The following FRMD4A variants were observed in gnomAD, a reference collection of about 807,000 sequenced individuals.
FRMD4A encodes FERM domain containing 4A.
Under a neutral mutation model 129.1 loss-of-function variants are expected in FRMD4A, and 29 were observed. The observed-to-expected ratio is 0.22, with a 90% CI of 0.17 to 0.31. The LOEUF (loss-of-function observed/expected upper bound fraction) is 0.31, where lower values mean the gene tolerates loss of function less well. FRMD4A is among the 10% of genes least tolerant of loss of function. The probability of loss-of-function intolerance (pLI) is 1.00; values close to 1 mark genes in which losing one functional copy is unlikely to be tolerated. For synonymous variants in FRMD4A, 634 were observed against 571.6 expected (o/e 1.11, Z -1.56); for missense variants, 1,272 against 1,375.8 (o/e 0.92, Z 1.19).
At chr10:13,907,341 T>A (rs1405841440) in intron 2 of FRMD4A, among the ~76,000 whole-genome samples, 2 of 152,216 alleles carry the variant, frequency 1.3e-5, no homozygotes, top group Admixed American at 6.5e-5. Flanking sequence ...ACATTATCTA[T>A]AATCTGCAGC....
intron 2 of FRMD4A, among the ~76,000 whole-genome samples, chr10:13,997,198 C>A (rs1192706441): frequency 1.3e-5 from 2 of 151,952 alleles, no homozygotes; most frequent in African/African-American, 4.8e-5. Flanking sequence ...GGGACAATTG[C>A]AGCTCCATTT....
intron 2 of FRMD4A, among the ~76,000 whole-genome samples, chr10:13,970,741 G>C (rs1460085579): frequency 6.6e-6 from 1 of 152,140 alleles, no homozygotes; most frequent in African/African-American, 2.4e-5. Flanking sequence ...CTCTCAGGCG[G>C]GGCTGGGGCT....
At chr10:14,307,056 C>T (rs1846378241) in intron 2 of FRMD4A, among the ~76,000 whole-genome samples, 1 of 152,214 alleles carries the variant, frequency 6.6e-6, no homozygotes, top group South Asian at 2.1e-4. Flanking sequence ...TGATGACAGG[C>T]AAATGCTTCT....
intron 3 of FRMD4A, among the ~76,000 whole-genome samples, chr10:13,853,342 T>A (rs1173343550): frequency 6.6e-6 from 1 of 151,926 alleles, no homozygotes; most frequent in Admixed American, 6.6e-5. Flanking sequence ...GGATCTGGAG[T>A]TGGAGACCAG....
chr10:14,224,544 C>A (rs1474556657), intron 2 of FRMD4A, among the ~76,000 whole-genome samples: 1 of 152,154 alleles, frequency 6.6e-6, no homozygotes, highest in Non-Finnish European at 1.5e-5. Context: ...TTTGGACAGT[C>A]AAAATTGTTT....
At chr10:14,000,913 G>T (rs761939136) in intron 2 of FRMD4A, among the ~76,000 whole-genome samples, 1 of 152,134 alleles carries the variant, frequency 6.6e-6, no homozygotes, top group Non-Finnish European at 1.5e-5. Flanking sequence ...TCTCCTCAAT[G>T]TGCTGGACAC....
At chr10:14,061,178 T>G (rs187728064) in intron 2 of FRMD4A, among the ~76,000 whole-genome samples, 45 of 152,376 alleles carry the variant, frequency 3.0e-4, no homozygotes, top group Admixed American at 2.9e-3. Flanking sequence ...CCGGGCGTAG[T>G]GGCTTATGCC....
At chr10:14,010,029 C>T (rs1486900630) in intron 2 of FRMD4A, among the ~76,000 whole-genome samples, 1 of 152,054 alleles carries the variant, frequency 6.6e-6, no homozygotes, top group Admixed American at 6.6e-5. Context: ...GACGTTGTAA[C>T]GGTTTTGAAC....
At position 13,674,940 on chromosome 10, in the gene FRMD4A, C is replaced by T; in HGVS notation, c.1222G>A (p.Glu408Lys). 1 of 1,614,138 alleles carries T rather than the reference C, an allele frequency of 6.2e-7. No homozygotes were observed. The highest frequency in any genetic ancestry group is 1.1e-5 in the South Asian group (1 of 91,070). The change falls in exon 16 of 25, where the codon GAA (glutamate) becomes AAA (lysine). Residue 408 changes from glutamate to lysine, a missense_variant. By Grantham distance (56) the Glu-to-Lys change is moderately conservative. Transcript: ENST00000357447. Reference protein sequence around the residue: ...LEETLRQRLEELKKLCLREAE... With the variant: ...LEETLRQRLEKLKKLCLREAE... ...TCTCGGAGACACAGCTTCTTCAGTT[C>T]CTCCAGCCTCTGACGCAGGGTTTCC...
At chr10:13,917,777 A>G (rs566345046) in intron 2 of FRMD4A, among the ~76,000 whole-genome samples, 113 of 152,272 alleles carry the variant, frequency 7.4e-4, no homozygotes, top group African/African-American at 2.7e-3. Flanking sequence ...TCTTTGCAAC[A>G]CCCGGCAAAG....
intron 2 of FRMD4A, among the ~76,000 whole-genome samples, chr10:13,940,496 C>G (rs1309514922): frequency 6.6e-6 from 1 of 152,144 alleles, no homozygotes; most frequent in African/African-American, 2.4e-5. Flanking sequence ...TATTTCTTGT[C>G]CTATTAAAAA....
At chr10:13,987,574 G>C (rs947171448) in intron 2 of FRMD4A, among the ~76,000 whole-genome samples, 2 of 152,148 alleles carry the variant, frequency 1.3e-5, no homozygotes, top group African/African-American at 4.8e-5. Context: ...TCCCTCCTTT[G>C]TCTCTGGATG....
At chr10:14,121,303 G>A (rs1194142954) in intron 2 of FRMD4A, among the ~76,000 whole-genome samples, 2 of 152,220 alleles carry the variant, frequency 1.3e-5, no homozygotes, top group African/African-American at 4.8e-5. Context: ...GGGAGGCGGA[G>A]ATTGCAGTTA....
intron 5 of FRMD4A, among the ~76,000 whole-genome samples, chr10:13,793,964 G>A (rs1431668171): frequency 2.0e-5 from 3 of 152,156 alleles, no homozygotes; most frequent in African/African-American, 7.2e-5. Context: ...ACTCAGGGTA[G>A]TGAGGGTGCT....
chr10:13,694,579 G>T (rs567010921), intron 14 of FRMD4A, among the ~76,000 whole-genome samples: 1 of 152,210 alleles, frequency 6.6e-6, no homozygotes, highest in African/African-American at 2.4e-5. Context: ...AGACCTAAGA[G>T]ATTTAAACCT....
At chr10:14,203,071 C>A (rs1466431437) in intron 2 of FRMD4A, among the ~76,000 whole-genome samples, 1 of 152,180 alleles carries the variant, frequency 6.6e-6, no homozygotes, top group African/African-American at 2.4e-5. Context: ...CCGTGCCTGG[C>A]CACAAGCTGA....
intron 3 of FRMD4A, among the ~76,000 whole-genome samples, chr10:13,856,324 C>G (rs886361657): frequency 6.6e-6 from 1 of 151,376 alleles, no homozygotes; most frequent in Non-Finnish European, 1.5e-5. Flanking sequence ...GAAGTCATGT[C>G]AAGACATCTT....
chr10:14,232,561 G>A (rs369189586), intron 2 of FRMD4A, among the ~76,000 whole-genome samples: 2 of 152,154 alleles, frequency 1.3e-5, no homozygotes, highest in African/African-American at 4.8e-5. Context: ...CATGAGTATG[G>A]AATGTTTTTC....
intron 2 of FRMD4A, among the ~76,000 whole-genome samples, chr10:14,224,836 T>G (rs868504612): frequency 8.5e-5 from 13 of 152,320 alleles, no homozygotes; most frequent in Non-Finnish European, 1.9e-4. Context: ...TTTTGTCAAC[T>G]TTTTTTGTAA....
Sources: gnomAD v4.1 joint callset for allele counts (sites outside exome capture counted in the v4.1 genomes callset) on GRCh38, gnomAD v4.1.1 for gene constraint, MANE v1.5 for transcripts, NCBI Gene and HGNC (gene_info 2026-07-23, HGNC 2026-07-21) for gene names.